Variants in GRID2 observed in about 807,000 individuals in gnomAD.
GRID2 encodes glutamate ionotropic receptor delta type subunit 2, also known as glutamate receptor ionotropic, delta-2.
In GRID2, 33 loss-of-function variants were observed where a neutral mutation model predicts 114.8. The observed-to-expected ratio is 0.29, with a 90% CI of 0.22 to 0.38. The LOEUF (loss-of-function observed/expected upper bound fraction) is 0.38. Among genes scored for constraint, GRID2 ranks in the 10% least tolerant of loss-of-function variants. GRID2 has a pLI of 1.00. For missense variants in GRID2, 1,184 were observed against 1,257.7 expected, an observed-to-expected ratio of 0.94 and a Z score of 0.89; for synonymous variants, 505 against 449.9, an observed-to-expected ratio of 1.12 and a Z score of -1.55.
At chr4:92,363,854 T>A (rs1728731410) in intron 1 of GRID2, among the ~76,000 whole-genome samples, 2 of 150,278 alleles carry the variant, frequency 1.3e-5, no homozygotes. Context: ...GAATCTCCCT[T>A]TATCACCCAG....
chr4:93,316,487 C>T (rs1317171521), intron 8 of GRID2, among the ~76,000 whole-genome samples: 1 of 152,058 alleles, frequency 6.6e-6, no homozygotes, highest in Non-Finnish European at 1.5e-5. Flanking sequence ...CACATATCAA[C>T]CACAGGGAAA....
chr4:93,050,312 A>C (rs1442835744), intron 2 of GRID2, among the ~76,000 whole-genome samples: 2 of 152,106 alleles, frequency 1.3e-5, no homozygotes, highest in Non-Finnish European at 2.9e-5. Context: ...AAAGCTGCAG[A>C]GAGTCATTGA....
chr4:92,649,660 T>A (rs1373281717), intron 2 of GRID2, among the ~76,000 whole-genome samples: 1 of 152,012 alleles, frequency 6.6e-6, no homozygotes, highest in African/African-American at 2.4e-5. Flanking sequence ...CCTTGAACCA[T>A]ACTTAATAAC....
At chr4:92,463,488 C>T (rs577130980) in intron 1 of GRID2, among the ~76,000 whole-genome samples, 1 of 152,012 alleles carries the variant, frequency 6.6e-6, no homozygotes, top group African/African-American at 2.4e-5. Flanking sequence ...AAAATAAACT[C>T]AAAACTCCAC....
At chr4:92,336,962 T>TTG (rs1553925066) in intron 1 of GRID2, among the ~76,000 whole-genome samples, 1 of 149,004 alleles carries the variant, frequency 6.7e-6, no homozygotes, top group African/African-American at 2.5e-5. Flanking sequence ...TTGTTTTTTT[T>TTG]TTTTTTTTTT....
intron 14 of GRID2, among the ~76,000 whole-genome samples, chr4:93,654,780 C>T (rs1237550405): frequency 6.6e-6 from 1 of 152,000 alleles, no homozygotes; most frequent in Non-Finnish European, 1.5e-5. Context: ...GAGAAAATTC[C>T]ACTGCCCCAG....
At chr4:93,456,321 C>A (rs1342591182) in intron 11 of GRID2, among the ~76,000 whole-genome samples, 1 of 152,106 alleles carries the variant, frequency 6.6e-6, no homozygotes, top group Admixed American at 6.5e-5. Flanking sequence ...TACTTATTAC[C>A]AGAGAAGGTA....
chr4:92,489,633 G>T (rs1024271708), intron 1 of GRID2, among the ~76,000 whole-genome samples: 10 of 152,028 alleles, frequency 6.6e-5, no homozygotes, highest in African/African-American at 1.9e-4. Flanking sequence ...ATCACCTGGG[G>T]TCAGGAGTTC....
rs532753190 is a variant in GRID2, at chr4:93,616,317, G to A, written c.2194-9952G>A. Among the ~76,000 whole-genome samples the A allele has an allele frequency of 4.6e-5, 7 of 151,868 alleles. No homozygotes were observed. The South Asian group carries it at 8.3e-4, about 18-fold the overall frequency. Reference sequence around the variant, plus strand: ...TCAGCACATTGGGAAGCCAAGGCACGCAGATCACTTGAAGCCAGGAGCTCG... The same window carrying A: ...TCAGCACATTGGGAAGCCAAGGCACACAGATCACTTGAAGCCAGGAGCTCG... On this transcript the variant is annotated intron_variant, in intron 13 of 15. Transcript: ENST00000282020.
intron 2 of GRID2, chr4:92,885,056 T>G (rs1246803575): frequency 9.8e-6 from 3 of 306,394 alleles, no homozygotes; most frequent in African/African-American, 6.8e-5. Context: ...TCTTTCCTCT[T>G]AAACAATTCA....
intron 1 of GRID2, among the ~76,000 whole-genome samples, chr4:92,306,712 T>A (rs1032773904): frequency 1.3e-5 from 2 of 152,234 alleles, no homozygotes; most frequent in African/African-American, 2.4e-5. Context: ...TCTGGACATC[T>A]GTTTCAAAAT....
intron 14 of GRID2, among the ~76,000 whole-genome samples, chr4:93,713,151 C>T (rs6850113): frequency 0.31 from 47,181 of 152,014 alleles, 7,798 homozygotes; most frequent in Middle Eastern, 0.47. Flanking sequence ...CAATGAATTT[C>T]TAATGATTCT....
intron 4 of GRID2, among the ~76,000 whole-genome samples, chr4:93,114,750 G>C (rs1733081407): frequency 6.6e-6 from 1 of 152,116 alleles, no homozygotes; most frequent in African/African-American, 2.4e-5. Context: ...TTAGTGCTGG[G>C]AGCAGTTCAT....
At chr4:92,697,257 G>C (rs1223851810) in intron 2 of GRID2, among the ~76,000 whole-genome samples, 1 of 152,072 alleles carries the variant, frequency 6.6e-6, no homozygotes, top group Non-Finnish European at 1.5e-5. Flanking sequence ...GGAGTAGGTG[G>C]AGTTTGCAAA....
At chr4:93,490,167 A>T (rs1329106349) in intron 11 of GRID2, among the ~76,000 whole-genome samples, 3 of 151,946 alleles carry the variant, frequency 2.0e-5, no homozygotes, top group Non-Finnish European at 4.4e-5. Flanking sequence ...GCTGAAGCCA[A>T]CACTAATATG....
intron 14 of GRID2, among the ~76,000 whole-genome samples, chr4:93,662,184 G>A (rs962299505): frequency 2.0e-5 from 3 of 151,914 alleles, no homozygotes; most frequent in African/African-American, 7.3e-5. Context: ...GCTTTCAGGT[G>A]TTTGCTAAAA....
chr4:92,903,022 G>T (rs899857279), intron 2 of GRID2, among the ~76,000 whole-genome samples: 1 of 151,722 alleles, frequency 6.6e-6, no homozygotes, highest in Non-Finnish European at 1.5e-5. Flanking sequence ...GCTTAGGATC[G>T]CTTCGGTTAT....
At chr4:93,185,689 T>G (rs1433308515) in intron 4 of GRID2, among the ~76,000 whole-genome samples, 1 of 152,190 alleles carries the variant, frequency 6.6e-6, no homozygotes, top group Non-Finnish European at 1.5e-5. Context: ...TTGCTTAGTT[T>G]TCTTACAGGT....
At chr4:93,135,840 T>A (rs539058873) in intron 4 of GRID2, among the ~76,000 whole-genome samples, 1 of 152,302 alleles carries the variant, frequency 6.6e-6, no homozygotes, top group African/African-American at 2.4e-5. Context: ...GTGTTTTGAT[T>A]TTATTCTTAT....
Sources: gnomAD v4.1 joint callset for allele counts (sites outside exome capture counted in the v4.1 genomes callset) on GRCh38, gnomAD v4.1.1 for gene constraint, MANE v1.5 for transcripts, NCBI Gene and HGNC (gene_info 2026-07-23, HGNC 2026-07-21) for gene names.